The following TENM2 variants were observed in gnomAD, a reference collection of about 807,000 sequenced individuals.
The protein encoded by TENM2 is teneurin-2.
A neutral mutation model predicts 245.2 loss-of-function variants in TENM2; 52 were observed. The ratio of observed to expected loss-of-function variants is 0.21; its 90% CI spans 0.17 to 0.27. The LOEUF (loss-of-function observed/expected upper bound fraction) is 0.27. TENM2 is among the 10% of genes least tolerant of loss of function. The pLI, the probability that TENM2 is intolerant of heterozygous loss-of-function variation, is 1.00. For missense variants in TENM2, 3,046 were observed against 3,666.8 expected (o/e 0.83, Z 4.37); for synonymous variants, 1,363 against 1,438.9 (o/e 0.95, Z 1.19).
intron 2 of TENM2, among the ~76,000 whole-genome samples, chr5:167,813,770 A>C (rs1392126476): frequency 6.6e-6 from 1 of 152,098 alleles, no homozygotes; most frequent in African/African-American, 2.4e-5. Context: ...TAGCCTTCGT[A>C]AGTCCTAACC....
the TENM2 span, among the ~76,000 whole-genome samples, chr5:166,979,627 A>G: frequency 6.6e-6 from 1 of 152,006 alleles, no homozygotes; most frequent in Non-Finnish European, 1.5e-5. Context: ...ATCGCTCCTG[A>G]ATCAGCTGCA....
chr5:167,567,597 G>A (rs1033639858), intron 2 of TENM2, among the ~76,000 whole-genome samples: 3 of 152,128 alleles, frequency 2.0e-5, no homozygotes, highest in African/African-American at 7.2e-5. Flanking sequence ...CTTCCAGAGG[G>A]CAGTTGTTAA....
At chr5:167,642,943 A>C (rs1779706950) in intron 2 of TENM2, among the ~76,000 whole-genome samples, 1 of 152,170 alleles carries the variant, frequency 6.6e-6, no homozygotes, top group South Asian at 2.1e-4. Flanking sequence ...AAATCACAGG[A>C]CACAGCAATG....
chr5:167,765,953 G>C (rs1762990876), intron 2 of TENM2, among the ~76,000 whole-genome samples: 1 of 152,152 alleles, frequency 6.6e-6, no homozygotes, highest in South Asian at 2.1e-4. Flanking sequence ...GTTTGACTTT[G>C]GGGATCAAGC....
At chr5:167,661,605 G>A in intron 2 of TENM2, among the ~76,000 whole-genome samples, 1 of 152,168 alleles carries the variant, frequency 6.6e-6, no homozygotes. Context: ...CCTTTGATGG[G>A]CTGGTCTAAA....
intron 2 of TENM2, among the ~76,000 whole-genome samples, chr5:167,479,431 A>G (rs577501444): frequency 6.6e-6 from 1 of 152,332 alleles, no homozygotes; most frequent in Admixed American, 6.5e-5. Flanking sequence ...AGAATTTTTA[A>G]AGGACAAACT....
rs778860546 is a variant in TENM2, at chr5:168,247,445, G to A, written c.6506G>A (p.Arg2169Gln). 12 of 1,613,522 alleles carry A rather than the reference G, an allele frequency of 7.4e-6. No homozygotes were observed. Among genetic ancestry groups the A allele is most frequent in the Admixed American group, 1.7e-5 (1 of 59,984 alleles). Reference sequence around the variant, plus strand: ...AAGGAGGTCCAGTATGAGATGTTCCGGTCCCTCATGTACTGGATGACGGTG... The same window carrying A: ...AAGGAGGTCCAGTATGAGATGTTCCAGTCCCTCATGTACTGGATGACGGTG... The change falls in exon 27 of 29, where the codon CGG (arginine) becomes CAG (glutamine). Residue 2169 changes from arginine to glutamine, a missense_variant. This residue lies in a region of TENM2 where 2,704 missense variants were observed against 3,331.9 expected (regional missense o/e 0.81). Transcript: ENST00000518659. This position sits in a 1 kb window ranked among gnomAD's most constrained non-coding sequence, Gnocchi z 7.8.
At chr5:167,410,319 C>T (rs1365289627) in intron 2 of TENM2, among the ~76,000 whole-genome samples, 1 of 152,012 alleles carries the variant, frequency 6.6e-6, no homozygotes, top group Non-Finnish European at 1.5e-5. Flanking sequence ...CAACCCACTA[C>T]CTTATCTTTC....
intron 12 of TENM2, among the ~76,000 whole-genome samples, chr5:168,162,330 T>C (rs1757813227): frequency 1.3e-5 from 2 of 152,212 alleles, no homozygotes; most frequent in Admixed American, 6.5e-5. Flanking sequence ...AGCTCAGCAC[T>C]GGTTTAGTTG....
At chr5:166,991,045 A>T in the TENM2 span, among the ~76,000 whole-genome samples, 2 of 152,122 alleles carry the variant, frequency 1.3e-5, no homozygotes, top group Non-Finnish European at 2.9e-5. Flanking sequence ...AGAATGAAAG[A>T]TAAATATTGA....
At chr5:167,022,757 C>T in the TENM2 span, among the ~76,000 whole-genome samples, 1 of 152,144 alleles carries the variant, frequency 6.6e-6, no homozygotes, top group Non-Finnish European at 1.5e-5. Flanking sequence ...CCAGACCCCA[C>T]AGCCCCTTCC....
chr5:167,052,143 T>TTTTATAA, the TENM2 span, among the ~76,000 whole-genome samples: 1 of 152,168 alleles, frequency 6.6e-6, no homozygotes, highest in African/African-American at 2.4e-5. Flanking sequence ...TTGCTATTCC[T>TTTTATAA]TTTATAATCA....
At chr5:167,795,987 A>C (rs1765287233) in intron 2 of TENM2, among the ~76,000 whole-genome samples, 1 of 152,248 alleles carries the variant, frequency 6.6e-6, no homozygotes, top group Non-Finnish European at 1.5e-5. Flanking sequence ...TTTTAAAGAC[A>C]GAGTAGGTGG....
chr5:167,455,703 C>T (rs908420393), intron 2 of TENM2, among the ~76,000 whole-genome samples: 4 of 152,088 alleles, frequency 2.6e-5, no homozygotes, highest in African/African-American at 7.2e-5. Context: ...TTCTGTGCCT[C>T]CCCAATTCTC....
At chr5:167,931,334 G>A (rs1458638648) in intron 3 of TENM2, among the ~76,000 whole-genome samples, 106 of 152,204 alleles carry the variant, frequency 7.0e-4, no homozygotes, top group Middle Eastern at 3.4e-3. Flanking sequence ...GATTGAACTG[G>A]GGTGAGAATG....
the TENM2 span, among the ~76,000 whole-genome samples, chr5:167,013,194 A>C: frequency 6.6e-6 from 1 of 152,170 alleles, no homozygotes; most frequent in African/African-American, 2.4e-5. Flanking sequence ...AGGACAAAAA[A>C]CTTAACTCCC....
At chr5:167,536,325 A>G (rs948629344) in intron 2 of TENM2, among the ~76,000 whole-genome samples, 19 of 152,224 alleles carry the variant, frequency 1.2e-4, no homozygotes, top group African/African-American at 3.9e-4. Flanking sequence ...GCTATTTAGA[A>G]GTCAAGTAAA....
chr5:167,007,743 C>T, the TENM2 span, among the ~76,000 whole-genome samples: 3 of 152,158 alleles, frequency 2.0e-5, no homozygotes, highest in African/African-American at 7.2e-5. The surrounding 1 kb of genome is among the most constrained non-coding windows in gnomAD (Gnocchi z 4.2). Context: ...ATGTATGTAT[C>T]GAATCCATTA....
At chr5:167,263,724 A>C in the TENM2 span, among the ~76,000 whole-genome samples, 1 of 151,824 alleles carries the variant, frequency 6.6e-6, no homozygotes, top group Non-Finnish European at 1.5e-5. Context: ...TTCAGGCAAA[A>C]AGTTAAAAAA....
Sources: allele counts gnomAD v4.1 joint callset (sites outside exome capture counted in the v4.1 genomes callset), GRCh38; gene constraint gnomAD v4.1.1; regional missense constraint gnomAD v4.1.1; non-coding constraint Gnocchi (gnomAD v3.1); transcripts MANE v1.5; gene names NCBI Gene and HGNC (gene_info 2026-07-23, HGNC 2026-07-21).